RABGAP1: variants seen among roughly 807,000 people sequenced by gnomAD.
RABGAP1 encodes the protein RAB GTPase activating protein 1.
A neutral mutation model predicts 137.6 loss-of-function variants in RABGAP1; 23 were observed. The ratio of observed to expected loss-of-function variants is 0.17; its 90% confidence interval spans 0.12 to 0.24. RABGAP1 has a LOEUF of 0.24. Ranked by LOEUF, RABGAP1 falls within the 10% of genes least tolerant of loss-of-function variation. The pLI, the probability that RABGAP1 is intolerant of heterozygous loss-of-function variation, is 1.00. For missense variants in RABGAP1, 906 were observed against 1,275.8 expected, an observed-to-expected ratio of 0.71 and a Z score of 4.42; for synonymous variants, 451 against 450.7, an observed-to-expected ratio of 1.00 and a Z score of -0.01.
At chr9:123,022,513 T>C (rs2131938403) in intron 13 of RABGAP1, among the ~76,000 whole-genome samples, 1 of 152,166 alleles carries the variant, frequency 6.6e-6, no homozygotes, top group East Asian at 1.9e-4. Context: ...TTTAAGCGAT[T>C]CTCCTGCCGC....
At chr9:122,998,480 G>T in intron 9 of RABGAP1, 117 bp from the exon 10 acceptor site, 6 of 813,750 alleles carry the variant, frequency 7.4e-6, no homozygotes, top group Non-Finnish European at 1.1e-5. Flanking sequence ...TTAATTGATG[G>T]TTCACTTAAG....
At chr9:123,085,980 G>A (rs1177102387) in intron 19 of RABGAP1, among the ~76,000 whole-genome samples, 3 of 152,136 alleles carry the variant, frequency 2.0e-5, no homozygotes, top group Non-Finnish European at 4.4e-5. Context: ...TCCAAGCATT[G>A]AGCACTGGAG....
At chr9:123,008,244 GGTTT>G (rs1423335252) in intron 10 of RABGAP1, among the ~76,000 whole-genome samples, 1 of 152,030 alleles carries the variant, frequency 6.6e-6, no homozygotes, top group Non-Finnish European at 1.5e-5. Context: ...GGACCACGTT[GGTTT>G]GTTTATTTTT....
chr9:122,950,377 C>CTTTTTTTTTTTTTTTTTTTT lies in RABGAP1; in HGVS notation c.-49-6631_-49-6612dup, dbSNP rs200424486. 3.1e-3 allele frequency among the ~76,000 whole-genome samples: 228 copies of CTTTTTTTTTTTTTTTTTTTT among 74,436 alleles called. 1 individual carries two copies. The highest frequency in any genetic ancestry group is 0.029 in the Middle Eastern group (2 of 70). The allele number at this position is 74,436 out of a possible 152,430, so 48.8% of individuals were successfully genotyped here. On this transcript the variant is annotated intron_variant, in intron 1 of 25. Coordinates refer to ENST00000373647, the MANE Select transcript of RABGAP1 (RefSeq NM_012197.4). ...CTTTTTTTTCTTTTTCTTTTTCTTT[C>CTTTTTTTTTTTTTTTTTTTT]TTTTTTTTTTTTTTTTTTTTTTGAT...
chr9:123,051,362 C>T (rs1302698085), intron 13 of RABGAP1, among the ~76,000 whole-genome samples: 3 of 150,894 alleles, frequency 2.0e-5, no homozygotes, highest in Non-Finnish European at 1.5e-5. Context: ...CTTCTCCTGC[C>T]TCAGCCTTCT....
intron 2 of RABGAP1, among the ~76,000 whole-genome samples, chr9:122,976,074 C>T (rs767496383): frequency 7.2e-5 from 11 of 152,218 alleles, no homozygotes; most frequent in Non-Finnish European, 1.3e-4. Context: ...CAACTCTGGG[C>T]CCAGTTTTTT....
At chr9:123,056,481 CTT>C (rs530004900) in intron 13 of RABGAP1, among the ~76,000 whole-genome samples, 28 of 131,804 alleles carry the variant, frequency 2.1e-4, no homozygotes, top group Admixed American at 4.5e-4. Context: ...TTTCTTTTTT[CTT>C]TTTTTTTTTT....
At chr9:122,993,479 C>A (rs901782933) in intron 6 of RABGAP1, among the ~76,000 whole-genome samples, 5 of 152,086 alleles carry the variant, frequency 3.3e-5, no homozygotes, top group African/African-American at 1.2e-4. Flanking sequence ...ACCATGTTGG[C>A]CAGGCTGGTC....
At chr9:122,998,547 A>T in intron 9 of RABGAP1, 50 bp from the exon 10 acceptor site, 1 of 1,314,630 alleles carries the variant, frequency 7.6e-7, no homozygotes, top group Non-Finnish European at 1.0e-6. Flanking sequence ...ATGAGCAAAT[A>T]TATTTGTGTT....
chr9:123,100,438 T>TGTGTGTGTGTG (rs1588418229), intron 24 of RABGAP1, among the ~76,000 whole-genome samples: 2 of 135,792 alleles, frequency 1.5e-5, no homozygotes, highest in African/African-American at 6.0e-5. Flanking sequence ...TGTGTGTGTG[T>TGTGTGTGTGTG]TTGAGACAGA....
rs2034995871 is a variant in RABGAP1, at chr9:123,090,266, ACC to A, written c.2518-7_2518-6del. On this transcript the variant is annotated splice_region_variant and splice_polypyrimidine_tract_variant and intron_variant, in intron 20 of 25. Coordinates refer to ENST00000373647, the MANE Select transcript of RABGAP1 (RefSeq NM_012197.4). The stretch of plus-strand genomic sequence containing the variant: ...ATGTGTCTGTAACTGGTTTCTTTCT[ACC>A]CTTCAGCGGGAGAATAGGCGTCTAC... The A allele has an allele frequency of 5.0e-6, 8 of 1,599,990 alleles. No homozygotes were observed. Among genetic ancestry groups the A allele is most frequent in the Non-Finnish European group, 6.8e-6 (8 of 1,170,870 alleles).
chr9:122,948,012 G>C (rs1465446526), intron 1 of RABGAP1, among the ~76,000 whole-genome samples: 1 of 150,588 alleles, frequency 6.6e-6, no homozygotes, highest in Non-Finnish European at 1.5e-5. Flanking sequence ...GTGAAAACCA[G>C]TGCAGTGAAA....
At chr9:123,046,447 G>A (rs1239777869) in intron 13 of RABGAP1, among the ~76,000 whole-genome samples, 1 of 152,186 alleles carries the variant, frequency 6.6e-6, no homozygotes, top group African/African-American at 2.4e-5. Context: ...GTAATGTGTA[G>A]TGGCCAAAAG....
At chr9:123,081,481 G>A (rs1423771774) in intron 19 of RABGAP1, among the ~76,000 whole-genome samples, 1 of 152,168 alleles carries the variant, frequency 6.6e-6, no homozygotes. Context: ...CTGTCACCCT[G>A]GCTGGAATGT....
intron 18 of RABGAP1, 143 bp downstream of exon 18, chr9:123,076,429 C>G: frequency 8.7e-7 from 1 of 1,145,802 alleles, no homozygotes; most frequent in Admixed American, 2.8e-5. Flanking sequence ...CTGACAAAAG[C>G]GAAGAAATAT....
At chr9:122,972,200 A>G (rs1315837048) in intron 2 of RABGAP1, among the ~76,000 whole-genome samples, 1 of 152,126 alleles carries the variant, frequency 6.6e-6, no homozygotes, top group Non-Finnish European at 1.5e-5. Context: ...AGGCTGAGGC[A>G]GGAGGATCAC....
intron 13 of RABGAP1, among the ~76,000 whole-genome samples, chr9:123,051,700 G>A (rs2033479874): frequency 1.3e-5 from 2 of 151,974 alleles, no homozygotes; most frequent in Non-Finnish European, 2.9e-5. Context: ...TTCAAAGTCT[G>A]TGTCATACCA....
In RABGAP1 at chr9:123,103,584, T is replaced by TATAC. The variant is rs2035405944; in HGVS notation, c.*375_*378dup. ...TTTTTTCTAAACCTTTTTTTTTTAATATACATATATATATATATATATATA... is the reference window on the plus strand; with the variant it reads ...TTTTTTCTAAACCTTTTTTTTTTAATATACATACATATATATATATATATATATA... On this transcript the variant is annotated 3_prime_UTR_variant, in exon 26 of 26. Transcript: ENST00000373647. 8.2e-5 allele frequency: 5 copies of TATAC among 61,044 alleles called. No individual in the cohort carries two copies. The highest frequency in any genetic ancestry group is 2.1e-4 in the African/African-American group (3 of 14,608). 3.8% of individuals were successfully genotyped at this position (61,044 alleles called of 1,614,324 possible).
chr9:123,063,157 T>C (rs2034043642), intron 13 of RABGAP1: 2 of 152,504 alleles, frequency 1.3e-5, no homozygotes, highest in African/African-American at 4.8e-5. Flanking sequence ...GTGATATGAT[T>C]GATGTAACTG....
Sources: gnomAD v4.1 joint callset for allele counts (sites outside exome capture counted in the v4.1 genomes callset) on GRCh38, gnomAD v4.1.1 for gene constraint, MANE v1.5 for transcripts, NCBI Gene and HGNC (gene_info 2026-07-23, HGNC 2026-07-21) for gene names.